FBXW4: variants seen among roughly 807,000 people sequenced by gnomAD.
The protein encoded by FBXW4 is F-box/WD repeat-containing protein 4.
In FBXW4, 40 loss-of-function variants were observed where a neutral mutation model predicts 61.8. The observed-to-expected ratio is 0.65, with a 90% CI of 0.50 to 0.84. The LOEUF is 0.84. Ranked by LOEUF, FBXW4 falls within the 40% of genes least tolerant of loss-of-function variation. The probability of loss-of-function intolerance (pLI) is 0.00; values close to 1 mark genes in which losing one functional copy is unlikely to be tolerated. For synonymous variants in FBXW4, 311 were observed against 313.8 expected, an observed-to-expected ratio of 0.99 and a Z score of 0.10; for missense variants, 672 against 753.8, an observed-to-expected ratio of 0.89 and a Z score of 1.27.
intron 1 of FBXW4, among the ~76,000 whole-genome samples, chr10:101,679,894 C>G (rs2064454984): frequency 6.6e-6 from 1 of 152,108 alleles, no homozygotes; most frequent in Non-Finnish European, 1.5e-5. Context: ...CCCCCACCTT[C>G]CTCCCTTCTG....
At chr10:101,681,711 C>T (rs1052570677) in intron 1 of FBXW4, among the ~76,000 whole-genome samples, 9 of 121,794 alleles carry the variant, frequency 7.4e-5, no homozygotes, top group African/African-American at 2.3e-4. Context: ...AGCGAGACTC[C>T]GTCTCAAAAT....
chr10:101,617,130 C>T (rs2063831493), intron 6 of FBXW4, among the ~76,000 whole-genome samples: 1 of 152,202 alleles, frequency 6.6e-6, no homozygotes, highest in African/African-American at 2.4e-5. Flanking sequence ...TACCAGGCAA[C>T]GTGCTGAGTG....
intron 5 of FBXW4, among the ~76,000 whole-genome samples, chr10:101,663,584 T>C (rs1003345436): frequency 6.6e-6 from 1 of 151,302 alleles, no homozygotes; most frequent in Non-Finnish European, 1.5e-5. Flanking sequence ...TTGAACCCAA[T>C]AGTTCAAGTG....
intron 5 of FBXW4, among the ~76,000 whole-genome samples, chr10:101,649,454 AGGAACAACATTT>A (rs1188703663): frequency 1.3e-5 from 2 of 152,316 alleles, no homozygotes; most frequent in East Asian, 3.9e-4. Context: ...AAGGAAAGGG[AGGAACAACATTT>A]GGAAATATTA....
At chr10:101,691,550 C>A (rs2064603244) in intron 1 of FBXW4, among the ~76,000 whole-genome samples, 1 of 152,180 alleles carries the variant, frequency 6.6e-6, no homozygotes, top group Non-Finnish European at 1.5e-5. Context: ...GCATTTTACA[C>A]CATAAATTCA....
chr10:101,619,518 G>T (rs1371912058), intron 6 of FBXW4, among the ~76,000 whole-genome samples: 2 of 152,126 alleles, frequency 1.3e-5, no homozygotes, highest in Non-Finnish European at 2.9e-5. Context: ...AATTAGCCAG[G>T]CGCGGTGGCA....
intron 5 of FBXW4, among the ~76,000 whole-genome samples, chr10:101,634,846 C>A (rs1354315144): frequency 1.3e-5 from 2 of 149,254 alleles, no homozygotes; most frequent in Non-Finnish European, 3.0e-5. Context: ...TTAAGATAAA[C>A]ACAAAATTCT....
chr10:101,677,864 T>A (rs559168868), intron 1 of FBXW4, among the ~76,000 whole-genome samples: 2 of 151,840 alleles, frequency 1.3e-5, no homozygotes, highest in Non-Finnish European at 2.9e-5. Flanking sequence ...AAATTCACTG[T>A]ATATATTTTT....
At chr10:101,645,061 C>A (rs1222345358) in intron 5 of FBXW4, among the ~76,000 whole-genome samples, 2 of 152,198 alleles carry the variant, frequency 1.3e-5, no homozygotes, top group Non-Finnish European at 2.9e-5. Flanking sequence ...ATGTGCTACC[C>A]CAGCCTGCTC....
At chr10:101,613,852 CA>C (rs1302627513) in intron 6 of FBXW4, among the ~76,000 whole-genome samples, 9 of 152,382 alleles carry the variant, frequency 5.9e-5, no homozygotes, top group Admixed American at 3.9e-4. Flanking sequence ...CCCCTGCTAC[CA>C]GCCTCCTCAG....
intron 5 of FBXW4, among the ~76,000 whole-genome samples, chr10:101,659,119 G>GC (rs2064219061): frequency 6.6e-6 from 1 of 152,044 alleles, no homozygotes; most frequent in East Asian, 1.9e-4. Context: ...GCCTCTGTCG[G>GC]CCCGTGTCCC....
intron 1 of FBXW4, 32 bp from the exon 2 acceptor site, chr10:101,676,468 C>T (rs1357642446): frequency 6.4e-7 from 1 of 1,570,142 alleles, no homozygotes; most frequent in Admixed American, 1.7e-5. Flanking sequence ...AATCCAATCA[C>T]TACAACTTAT....
At chr10:101,658,269 G>A (rs867725150) in intron 5 of FBXW4, among the ~76,000 whole-genome samples, 7 of 152,126 alleles carry the variant, frequency 4.6e-5, no homozygotes, top group African/African-American at 7.2e-5. Context: ...GTTTGAGGCC[G>A]GGCATGGTGG....
Position 101,694,624 on chromosome 10 carries a change from C to T in FBXW4, c.482G>A (p.Gly161Glu). ...GTGVAMAAAAGEEEEEEEAAR... is the reference protein window; with the variant it reads ...GTGVAMAAAAEEEEEEEEAAR... ...CGCCTCCTCCTCCTCCTCCTCCTCC[C>T]CGGCCGCCGCCGCCATGGCCACCCC... is the stretch of plus-strand genomic sequence containing the variant. The change falls in exon 1 of 9, where the codon GGG becomes GAG. Residue 161 changes from glycine to glutamate, a missense_variant. Gly to Glu is a moderately conservative substitution (Grantham distance 98, BLOSUM62 -2). Coordinates refer to ENST00000331272, the MANE Select transcript of FBXW4 (RefSeq NM_022039.4). The surrounding 1 kb of genome is among the most constrained non-coding windows in gnomAD (Gnocchi z 6.0). The T allele has an allele frequency of 7.0e-7, 1 of 1,430,170 alleles. No individual in the cohort carries two copies. The highest frequency in any genetic ancestry group is 9.1e-7 in the Non-Finnish European group (1 of 1,101,684). The allele number at this position is 1,430,170 out of a possible 1,614,324, so 88.6% of individuals were successfully genotyped here.
At chr10:101,629,449 AATTTTT>A (rs1157091209) in intron 5 of FBXW4, among the ~76,000 whole-genome samples, 1 of 151,932 alleles carries the variant, frequency 6.6e-6, no homozygotes, top group African/African-American at 2.4e-5. Context: ...ACGCCTGGCT[AATTTTT>A]GTATTTTTAG....
intron 5 of FBXW4, chr10:101,659,401 G>A (rs1411867565): frequency 1.0e-5 from 10 of 985,256 alleles, no homozygotes; most frequent in Non-Finnish European, 1.2e-5. Flanking sequence ...CAGGCTCCAA[G>A]GGAAAGGAAA....
intron 5 of FBXW4, chr10:101,625,441 A>G (rs1401685644): frequency 6.6e-6 from 1 of 152,488 alleles, no homozygotes; most frequent in Admixed American, 6.5e-5. Flanking sequence ...GCTTCTGGAG[A>G]GTGGGATGGG....
intron 1 of FBXW4, among the ~76,000 whole-genome samples, chr10:101,691,173 A>AG (rs2064597064): frequency 6.6e-6 from 1 of 152,154 alleles, no homozygotes; most frequent in South Asian, 2.1e-4. Context: ...AATGAACGAC[A>AG]GCCCTGCCAC....
rs773955516 is a variant in FBXW4, at chr10:101,655,890, A to AC, written c.1235+11995dup. On this transcript the variant is annotated intron_variant, in intron 5 of 8. Coordinates refer to ENST00000331272, the MANE Select transcript of FBXW4 (RefSeq NM_022039.4). The stretch of plus-strand genomic sequence containing the variant: ...CCTGAAACTCAAGTTCTGACCAGGC[A>AC]CCACAGCTTGGACCCAGGGCAAGAA... Among the ~76,000 whole-genome samples the AC allele has an allele frequency of 3.5e-4, 53 of 152,354 alleles. No homozygotes were observed. The South Asian group carries it at 4.3e-3, about 12-fold the overall frequency.
Sources: allele counts gnomAD v4.1 joint callset (sites outside exome capture counted in the v4.1 genomes callset), GRCh38; gene constraint gnomAD v4.1.1; non-coding constraint Gnocchi (gnomAD v3.1); transcripts MANE v1.5; gene names NCBI Gene and HGNC (gene_info 2026-07-23, HGNC 2026-07-21).